ALPK2: variants seen among roughly 807,000 people sequenced by gnomAD.
ALPK2 encodes alpha kinase 2.
ALPK2 carries 127 observed loss-of-function variants against 163.1 expected under a neutral mutation model. The observed-to-expected ratio is 0.78, with a 90% CI of 0.67 to 0.90. ALPK2 has a LOEUF of 0.90. ALPK2 is among the 40% of genes least tolerant of loss of function. ALPK2 has a pLI of 0.00. For synonymous variants in ALPK2, 953 were observed against 959.1 expected, an observed-to-expected ratio of 0.99 and a Z score of 0.12; for missense variants, 2,360 against 2,589.6, an observed-to-expected ratio of 0.91 and a Z score of 1.92.
Position 58,607,397 on chromosome 18 carries a change from G to A in ALPK2, c.152C>T (p.Ala51Val), listed in dbSNP as rs1602238079. Reference sequence around the variant, plus strand: ...GGAAATAATGCCACTCCCATCGATGGCCTGACCATTCTTATACCAAGTTAC... The same window carrying A: ...GGAAATAATGCCACTCCCATCGATGACCTGACCATTCTTATACCAAGTTAC... ...PEVTWYKNGQ[A>V]IDGSGIISNY... Residue 51 changes from alanine to valine, a missense_variant, in exon 3 of 13, where the codon GCC (alanine) becomes GTC (valine). Physicochemically the swap from Ala to Val is moderately conservative, Grantham distance 64. Transcript: ENST00000361673. 6.2e-7 allele frequency: 1 copy of A among 1,613,354 alleles called. No individual in the cohort carries two copies. Among genetic ancestry groups the A allele is most frequent in the Non-Finnish European group, 8.5e-7 (1 of 1,179,726 alleles).
intron 8 of ALPK2, among the ~76,000 whole-genome samples, chr18:58,521,747 C>T (rs2051554700): frequency 6.6e-6 from 1 of 150,858 alleles, no homozygotes; most frequent in Admixed American, 6.6e-5. Context: ...CTTGCCTCAG[C>T]CTCCTGAGTA....
In ALPK2 at chr18:58,579,172, G is replaced by T. The variant is rs770120575; in HGVS notation, c.1604C>A (p.Ala535Asp). The T allele has an allele frequency of 1.9e-6, 3 of 1,614,060 alleles. No homozygotes were observed. Among genetic ancestry groups the T allele is most frequent in the Non-Finnish European group, 2.5e-6 (3 of 1,180,012 alleles). The part of the protein sequence containing the change: ...LWSKRGSRKS[A>D]RVRQPGMKGN... ...CTTCATTCCCGGCTGCCTCACCCTG[G>T]CAGATTTCCTTGAACCCCTCTTGCT... Residue 535 changes from alanine (A) to aspartate (D), a missense_variant, in exon 4 of 13, where the codon GCC becomes GAC. Coordinates refer to ENST00000361673, the MANE Select transcript of ALPK2 (RefSeq NM_052947.4).
At chr18:58,506,428 A>G (rs1408312570) in intron 10 of ALPK2, among the ~76,000 whole-genome samples, 1 of 152,190 alleles carries the variant, frequency 6.6e-6, no homozygotes, top group Admixed American at 6.5e-5. Context: ...ATGATATTTA[A>G]AATTTTACCA....
chr18:58,583,154 G>A (rs900626966), intron 3 of ALPK2, among the ~76,000 whole-genome samples: 10 of 152,168 alleles, frequency 6.6e-5, no homozygotes, highest in Non-Finnish European at 1.5e-4. Context: ...TATTTTTAGA[G>A]TCAAATACTC....
chr18:58,587,928 G>T (rs879619266), intron 3 of ALPK2, among the ~76,000 whole-genome samples: 1 of 152,196 alleles, frequency 6.6e-6, no homozygotes, highest in Non-Finnish European at 1.5e-5. Flanking sequence ...CCTTGAAGTG[G>T]CAGGCTTGTT....
intron 4 of ALPK2, among the ~76,000 whole-genome samples, chr18:58,553,172 CA>C (rs2051768670): frequency 6.6e-6 from 1 of 152,172 alleles, no homozygotes. Context: ...CCAATACTGC[CA>C]ACTGTCTGCT....
At chr18:58,585,081 T>G (rs908437698) in intron 3 of ALPK2, among the ~76,000 whole-genome samples, 4 of 152,174 alleles carry the variant, frequency 2.6e-5, no homozygotes, top group Admixed American at 1.3e-4. Flanking sequence ...ATTTCCTTAT[T>G]AAAGAAAAAG....
intron 10 of ALPK2, among the ~76,000 whole-genome samples, chr18:58,512,475 G>C (rs958451630): frequency 6.6e-6 from 1 of 152,196 alleles, no homozygotes; most frequent in Non-Finnish European, 1.5e-5. Flanking sequence ...CCCAGCGGGG[G>C]TCAGTCTAGG....
At chr18:58,611,614 A>G in intron 2 of ALPK2, 75 bp downstream of exon 2, 2 of 1,303,640 alleles carry the variant, frequency 1.5e-6, no homozygotes, top group Non-Finnish European at 1.1e-6. Context: ...ATGTTTTAGT[A>G]ATGCCTTTGT....
At chr18:58,493,028 C>T (rs1568065138) in intron 12 of ALPK2, among the ~76,000 whole-genome samples, 1 of 152,218 alleles carries the variant, frequency 6.6e-6, no homozygotes. Flanking sequence ...CCACATAAAT[C>T]AGCCAGCGGG....
At chr18:58,603,765 G>A (rs7504154) in intron 3 of ALPK2, among the ~76,000 whole-genome samples, 131,116 of 151,766 alleles carry the variant, frequency 0.86, 57,125 homozygotes, top group East Asian at 1. Context: ...GGTAGAAAAC[G>A]TCTATTTGCA....
rs772534629 is a variant in ALPK2 at position 58,537,184 on chromosome 18, C to T, written c.3003G>A (p.Ala1001=). 1.9e-6 allele frequency: 3 copies of T among 1,613,542 alleles called. No homozygotes were observed. Among genetic ancestry groups the T allele is most frequent in the Non-Finnish European group, 2.5e-6 (3 of 1,179,894 alleles). The change falls in exon 5 of 13, where the codon GCG becomes GCA. Residue 1001 remains alanine (A), a synonymous_variant. Transcript: ENST00000361673. ...TLTANNECFQ[A]TRETEDTSTV... ...TTGATGTGTCCTCAGTCTCCCTGGT[C>T]GCTTGAAAGCACTCATTATTAGCAG...
intron 1 of ALPK2, among the ~76,000 whole-genome samples, chr18:58,618,381 G>A (rs115266224): frequency 0.016 from 2,478 of 152,258 alleles, 72 homozygotes; most frequent in African/African-American, 0.058. Context: ...TCTAAAATGG[G>A]CAGGACCTTT....
chr18:58,622,798 C>T (rs2052208955), intron 1 of ALPK2, among the ~76,000 whole-genome samples: 1 of 152,124 alleles, frequency 6.6e-6, no homozygotes, highest in African/African-American at 2.4e-5. Flanking sequence ...TGCCCAGGCT[C>T]CTTATGTTCC....
chr18:58,622,903 C>A (rs1021201495), intron 1 of ALPK2, among the ~76,000 whole-genome samples: 2 of 152,096 alleles, frequency 1.3e-5, no homozygotes, highest in East Asian at 3.9e-4. Flanking sequence ...AGGTGAAATG[C>A]TGTGGAATTT....
Position 58,579,590 on chromosome 18 carries a change from C to T in ALPK2, c.1186G>A (p.Ala396Thr). 1 of 1,613,702 alleles carries T rather than the reference C, an allele frequency of 6.2e-7. No homozygotes were observed. The highest frequency in any genetic ancestry group is 8.5e-7 in the Non-Finnish European group (1 of 1,180,012). The change falls in exon 4 of 13, where the codon GCC becomes ACC. Residue 396 changes from alanine to threonine, a missense_variant. Coordinates refer to ENST00000361673, the MANE Select transcript of ALPK2 (RefSeq NM_052947.4). ...RVSGDAGPMV[A>T]TAGFCGHHSQ... is the part of the protein sequence containing the mutation. ...TGATGACCACAGAAGCCAGCAGTGG[C>T]AACCATAGGCCCAGCGTCACCCGAC...
At position 58,580,457 on chromosome 18, in the gene ALPK2, A is replaced by G. The variant is rs755016244; in HGVS notation, c.319T>C (p.Ser107Pro). 16 of 1,614,132 alleles carry G rather than the reference A, an allele frequency of 9.9e-6. No homozygotes were observed. Among genetic ancestry groups the G allele is most frequent in the Non-Finnish European group, 1.2e-5 (14 of 1,180,028 alleles). Residue 107 changes from serine (S) to proline (P), a missense_variant, in exon 4 of 13, where the codon TCA (serine) becomes CCA (proline). Ser to Pro is a moderately conservative substitution (Grantham distance 74). Coordinates refer to ENST00000361673, the MANE Select transcript of ALPK2 (RefSeq NM_052947.4). ...CCSASVEVEC[S>P]SENPQLSPNL... ...GGAGACAATTGTGGGTTCTCTGATG[A>G]GCACTCAACCTCAACGGAAGCAGAA...
At position 58,516,972 on chromosome 18, in the gene ALPK2, G is replaced by T. The variant is rs765310079; in HGVS notation, c.5876C>A (p.Ala1959Asp). Residue 1959 changes from alanine (A) to aspartate (D), a missense_variant, in exon 9 of 13, where the codon GCC becomes GAC. Coordinates refer to ENST00000361673, the MANE Select transcript of ALPK2 (RefSeq NM_052947.4). Reference sequence around the variant, plus strand: ...ATTATTTCTGGTCCCATAGGCAATGGCATTGTGCACCTTAAGCACACAGGC... The same window carrying T: ...ATTATTTCTGGTCCCATAGGCAATGTCATTGTGCACCTTAAGCACACAGGC... ...GHACVLKVHN[A>D]IAYGTRNNDE... 2 of 1,614,168 alleles carry T rather than the reference G, an allele frequency of 1.2e-6. No homozygotes were observed.
intron 6 of ALPK2, among the ~76,000 whole-genome samples, chr18:58,525,876 C>A (rs1003368064): frequency 3.5e-5 from 5 of 141,368 alleles, no homozygotes; most frequent in Non-Finnish European, 7.6e-5. Flanking sequence ...CTCCATGATA[C>A]AAAACTACCT....
Sources: allele counts gnomAD v4.1 joint callset (sites outside exome capture counted in the v4.1 genomes callset), GRCh38; gene constraint gnomAD v4.1.1; transcripts MANE v1.5; gene names NCBI Gene and HGNC (gene_info 2026-07-23, HGNC 2026-07-21).